Variants in LHFPL3 observed in about 807,000 individuals in gnomAD.
The protein encoded by LHFPL3 is LHFPL tetraspan subfamily member 3.
In LHFPL3, 5 loss-of-function variants were observed where a neutral mutation model predicts 19.3. That is an observed-to-expected ratio of 0.26 (90% CI 0.14 to 0.54). The LOEUF (loss-of-function observed/expected upper bound fraction) is 0.54, where lower values mean the gene tolerates loss of function less well. Among genes scored for constraint, LHFPL3 ranks in the 20% least tolerant of loss-of-function variants. LHFPL3 has a pLI of 0.94. For missense variants in LHFPL3, 249 were observed against 307.4 expected, an observed-to-expected ratio of 0.81 and a Z score of 1.42; for synonymous variants, 133 against 126.2, an observed-to-expected ratio of 1.05 and a Z score of -0.36.
In LHFPL3 at chr7:104,706,138, T is replaced by A. The variant is rs1412794051; in HGVS notation, c.446-30537T>A. 2.0e-5 allele frequency among the ~76,000 whole-genome samples: 3 copies of A among 152,068 alleles called. No homozygotes were observed. In the East Asian group the frequency reaches 5.8e-4, roughly 29 times the overall value. ...TCTTCTAATACAATTTTTGGTGGCA[T>A]ATCAATTGACTATTTTATGAGCCCA... is the stretch of plus-strand genomic sequence containing the variant. On this transcript the variant is annotated intron_variant, in intron 1 of 2. Coordinates refer to ENST00000424859, the MANE Select transcript of LHFPL3 (RefSeq NM_199000.3).
intron 1 of LHFPL3, among the ~76,000 whole-genome samples, chr7:104,537,368 A>G (rs965988120): frequency 2.6e-5 from 4 of 152,220 alleles, no homozygotes; most frequent in Non-Finnish European, 5.9e-5. Context: ...TATCAGTAGA[A>G]TATTTAGACT....
chr7:104,354,615 A>G (rs1225345320), intron 1 of LHFPL3, among the ~76,000 whole-genome samples: 1 of 152,174 alleles, frequency 6.6e-6, no homozygotes, highest in Admixed American at 6.5e-5. Context: ...ACATTTCTCT[A>G]AATTATTAAC....
At chr7:104,477,467 T>G (rs937333290) in intron 1 of LHFPL3, among the ~76,000 whole-genome samples, 2 of 152,158 alleles carry the variant, frequency 1.3e-5, no homozygotes, top group Admixed American at 6.5e-5. Flanking sequence ...GGATAATCAT[T>G]AATCAAATAA....
intron 1 of LHFPL3, among the ~76,000 whole-genome samples, chr7:104,459,351 A>AGT (rs1177942449): frequency 6.6e-6 from 1 of 152,194 alleles, no homozygotes; most frequent in Non-Finnish European, 1.5e-5. Context: ...TGTTGCCTGA[A>AGT]GTAACACATT....
chr7:104,592,701 G>T (rs1293679622), intron 1 of LHFPL3, among the ~76,000 whole-genome samples: 1 of 152,178 alleles, frequency 6.6e-6, no homozygotes, highest in Non-Finnish European at 1.5e-5. Context: ...TGCCCCCAGA[G>T]GTGGAGTCTA....
At chr7:104,508,324 T>C (rs527703976) in intron 1 of LHFPL3, among the ~76,000 whole-genome samples, 5 of 151,158 alleles carry the variant, frequency 3.3e-5, no homozygotes, top group African/African-American at 7.3e-5. Context: ...ATGGATGAAA[T>C]TGGAAATCAT....
At chr7:104,815,082 A>G (rs1273693445) in intron 2 of LHFPL3, among the ~76,000 whole-genome samples, 1 of 151,472 alleles carries the variant, frequency 6.6e-6, no homozygotes, top group Non-Finnish European at 1.5e-5. Context: ...GGAAAGTGGG[A>G]CTCCCGCCTG....
At chr7:104,547,242 C>CAAAAAAAAAAAAAAAAAAAAAAAA (rs59524599) in intron 1 of LHFPL3, among the ~76,000 whole-genome samples, 1 of 9,638 alleles carries the variant, frequency 1.0e-4, no homozygotes, top group African/African-American at 3.3e-4. Context: ...GACTCCGTCT[C>CAAAAAAAAAAAAAAAAAAAAAAAA]AAAAAAAAAA....
intron 1 of LHFPL3, among the ~76,000 whole-genome samples, chr7:104,701,397 A>G (rs1475663637): frequency 6.6e-6 from 1 of 152,218 alleles, no homozygotes. Context: ...GTTGGCCAGA[A>G]GCCTTAACAC....
intron 1 of LHFPL3, among the ~76,000 whole-genome samples, chr7:104,553,553 G>GA (rs1293855335): frequency 6.6e-6 from 1 of 152,028 alleles, no homozygotes. Context: ...CTGCCTCTAG[G>GA]TCCAGTAAAT....
intron 2 of LHFPL3, among the ~76,000 whole-genome samples, chr7:104,860,329 T>A (rs1791596055): frequency 6.6e-6 from 1 of 152,202 alleles, no homozygotes; most frequent in African/African-American, 2.4e-5. Context: ...CCTTGCATGG[T>A]GTAGTTACTT....
chr7:104,821,689 A>T (rs1790678547), intron 2 of LHFPL3, among the ~76,000 whole-genome samples: 2 of 152,204 alleles, frequency 1.3e-5, no homozygotes, highest in African/African-American at 2.4e-5. Context: ...CCATCTCACT[A>T]TGCTGCTTTA....
intron 1 of LHFPL3, among the ~76,000 whole-genome samples, chr7:104,532,107 A>G (rs1794309391): frequency 2.0e-5 from 3 of 151,822 alleles, no homozygotes; most frequent in South Asian, 2.1e-4. Flanking sequence ...TGTTTTTTGC[A>G]TTTCTTGTTT....
At chr7:104,766,243 C>T (rs1794454466) in intron 2 of LHFPL3, among the ~76,000 whole-genome samples, 1 of 152,116 alleles carries the variant, frequency 6.6e-6, no homozygotes, top group Non-Finnish European at 1.5e-5. Flanking sequence ...GTGGAATGAT[C>T]AAAAACTAAA....
At chr7:104,866,042 A>T (rs1791713921) in intron 2 of LHFPL3, among the ~76,000 whole-genome samples, 1 of 152,196 alleles carries the variant, frequency 6.6e-6, no homozygotes, top group African/African-American at 2.4e-5. Flanking sequence ...TTTTGTCACC[A>T]CTAGGCCTGC....
At chr7:104,604,789 C>T (rs1791059435) in intron 1 of LHFPL3, among the ~76,000 whole-genome samples, 2 of 152,238 alleles carry the variant, frequency 1.3e-5, no homozygotes, top group Non-Finnish European at 1.5e-5. Flanking sequence ...AGATCAAATT[C>T]CTCCAATAAT....
At chr7:104,715,492 A>C (rs937658933) in intron 1 of LHFPL3, among the ~76,000 whole-genome samples, 1 of 152,172 alleles carries the variant, frequency 6.6e-6, no homozygotes, top group Non-Finnish European at 1.5e-5. Flanking sequence ...AGAAGATTTC[A>C]GTTTTTCAGC....
chr7:104,580,175 CT>C (rs2116018295), intron 1 of LHFPL3, among the ~76,000 whole-genome samples: 1 of 152,242 alleles, frequency 6.6e-6, no homozygotes, highest in South Asian at 2.1e-4. Flanking sequence ...GCTTAACAAA[CT>C]TCTCTCAGCT....
At chr7:104,514,019 G>T (rs1488430842) in intron 1 of LHFPL3, among the ~76,000 whole-genome samples, 1 of 152,140 alleles carries the variant, frequency 6.6e-6, no homozygotes, top group Non-Finnish European at 1.5e-5. Flanking sequence ...TGGTTTTAAG[G>T]TAGAGGATTT....
Sources: gnomAD v4.1 joint callset for allele counts (sites outside exome capture counted in the v4.1 genomes callset) on GRCh38, gnomAD v4.1.1 for gene constraint, MANE v1.5 for transcripts, NCBI Gene and HGNC (gene_info 2026-07-23, HGNC 2026-07-21) for gene names.